BCAS3: variants seen among roughly 807,000 people sequenced by gnomAD.
The protein encoded by BCAS3 is BCAS3 microtubule associated cell migration factor.
BCAS3 carries 53 observed loss-of-function variants against 116.1 expected under a neutral mutation model. That is an observed-to-expected ratio of 0.46 (90% CI 0.37 to 0.57). The LOEUF is 0.57. Among genes scored for constraint, BCAS3 ranks in the 20% least tolerant of loss-of-function variants. The pLI, the probability that BCAS3 is intolerant of heterozygous loss-of-function variation, is 0.00. For missense variants in BCAS3, 917 were observed against 1,165.4 expected (o/e 0.79, Z 3.10); for synonymous variants, 391 against 408.2 (o/e 0.96, Z 0.51).
At chr17:60,933,912 T>A (rs1175602915) in intron 13 of BCAS3, among the ~76,000 whole-genome samples, 1 of 152,210 alleles carries the variant, frequency 6.6e-6, no homozygotes, top group Non-Finnish European at 1.5e-5. Flanking sequence ...TTCATCATCT[T>A]GTAAAGTGGT....
Position 61,239,725 on chromosome 17 carries a change from G to T in BCAS3, c.2426-128602G>T, listed in dbSNP as rs1024979957. 1.3e-5 allele frequency among the ~76,000 whole-genome samples: 2 copies of T among 152,200 alleles called. No individual in the cohort carries two copies. The highest frequency in any genetic ancestry group is 4.8e-5 in the African/African-American group (2 of 41,458). On this transcript the variant is annotated intron_variant, in intron 22 of 23. Coordinates refer to ENST00000407086, the MANE Select transcript of BCAS3 (RefSeq NM_017679.5). This position sits in a 1 kb window ranked among gnomAD's most constrained non-coding sequence, Gnocchi z 4.2. ...TCCTACTTAAAATTAAGAACTTAAAGATTTTAATCAAGATAATCCTAAAAT... is the reference window on the plus strand; with the variant it reads ...TCCTACTTAAAATTAAGAACTTAAATATTTTAATCAAGATAATCCTAAAAT...
chr17:60,791,996 G>A (rs1030322955), intron 6 of BCAS3, among the ~76,000 whole-genome samples: 5 of 152,178 alleles, frequency 3.3e-5, no homozygotes, highest in East Asian at 3.9e-4. Context: ...GGTGACAAGC[G>A]CCTGTTATCC....
chr17:60,852,490 G>C (rs1043733511), intron 7 of BCAS3, among the ~76,000 whole-genome samples: 2 of 152,136 alleles, frequency 1.3e-5, no homozygotes, highest in African/African-American at 4.8e-5. Flanking sequence ...AGGAAAATTT[G>C]CTTCCAAATT....
At chr17:61,159,746 A>C (rs955364988) in intron 22 of BCAS3, among the ~76,000 whole-genome samples, 9 of 152,178 alleles carry the variant, frequency 5.9e-5, no homozygotes, top group Non-Finnish European at 8.8e-5. Flanking sequence ...TGCCTAAAAG[A>C]TGTTCCTCTC....
chr17:60,777,962 A>G (rs184142841), intron 6 of BCAS3, among the ~76,000 whole-genome samples: 39 of 152,306 alleles, frequency 2.6e-4, no homozygotes, highest in Admixed American at 1.5e-3. Context: ...CAATTCCTAA[A>G]AATGAACATA....
chr17:61,335,140 C>G (rs886903970), intron 22 of BCAS3, among the ~76,000 whole-genome samples: 1 of 152,250 alleles, frequency 6.6e-6, no homozygotes, highest in African/African-American at 2.4e-5. Context: ...CAAGTTGACT[C>G]AGCAAACTTC....
intron 5 of BCAS3, among the ~76,000 whole-genome samples, chr17:60,725,251 G>C (rs1220435821): frequency 1.3e-5 from 2 of 151,832 alleles, no homozygotes; most frequent in Non-Finnish European, 2.9e-5. Context: ...TTTTTTCATT[G>C]GTTTAATTGT....
In BCAS3 at chr17:60,829,508, A is replaced by G. The variant is rs1015751246; in HGVS notation, c.476+21432A>G. 1.7e-4 allele frequency among the ~76,000 whole-genome samples: 25 copies of G among 150,662 alleles called. 1 individual carries two copies. The highest frequency in any genetic ancestry group is 1.0e-4 in the Non-Finnish European group (7 of 67,864). ...GACTGTGTCTCAAAAAAAAAAAAAAAGTAGAGAAGGTAGTTAGATAAAGTT... is the reference window on the plus strand; with the variant it reads ...GACTGTGTCTCAAAAAAAAAAAAAAGGTAGAGAAGGTAGTTAGATAAAGTT... On this transcript the variant is annotated intron_variant, in intron 7 of 23. Coordinates refer to ENST00000407086, the MANE Select transcript of BCAS3 (RefSeq NM_017679.5).
At chr17:60,745,842 T>C (rs1036210305) in intron 5 of BCAS3, among the ~76,000 whole-genome samples, 1 of 152,142 alleles carries the variant, frequency 6.6e-6, no homozygotes, top group Non-Finnish European at 1.5e-5. Context: ...ATGAATGTGA[T>C]AGTCATTTAG....
At chr17:60,997,523 G>A (rs73322782) in intron 15 of BCAS3, among the ~76,000 whole-genome samples, 10,632 of 152,142 alleles carry the variant, frequency 0.07, 1,115 homozygotes, top group African/African-American at 0.23. Context: ...GAGGAGAAAG[G>A]CAAAGGTAAG....
chr17:60,825,889 G>A (rs73318644), intron 7 of BCAS3, among the ~76,000 whole-genome samples: 16,778 of 141,060 alleles, frequency 0.12, 3,038 homozygotes, highest in African/African-American at 0.4. Context: ...ACGAAGTCTC[G>A]CACCGTCACC....
chr17:61,034,817 G>T lies in BCAS3; in HGVS notation c.1762+27G>T. The T allele has an allele frequency of 1.3e-6, 2 of 1,569,182 alleles. No homozygotes were observed. The highest frequency in any genetic ancestry group is 1.7e-6 in the Non-Finnish European group (2 of 1,160,564). ...TATGTATTTTTACTGAAAAATGAAT[G>T]CTCTATTTGTAATTTTTGCTTCTTA... On this transcript the variant is annotated intron_variant, in intron 17 of 23. Coordinates refer to ENST00000407086, the MANE Select transcript of BCAS3 (RefSeq NM_017679.5). The surrounding 1 kb of genome is among the most constrained non-coding windows in gnomAD (Gnocchi z 5.0).
At chr17:61,334,668 A>AC (rs2056567799) in intron 22 of BCAS3, among the ~76,000 whole-genome samples, 3 of 143,688 alleles carry the variant, frequency 2.1e-5, no homozygotes, top group South Asian at 4.2e-4. Flanking sequence ...CCATCTCAAA[A>AC]AAAAAAAAAA....
chr17:60,778,095 T>G lies in BCAS3; in HGVS notation c.404-29909T>G, dbSNP rs1347523246. Among the ~76,000 whole-genome samples the G allele has an allele frequency of 1.3e-5, 2 of 152,190 alleles. 1 individual carries two copies. Among genetic ancestry groups the G allele is most frequent in the East Asian group, 3.8e-4 (2 of 5,200 alleles). ...CTCTGGATACAAGTCATTTGTTGGA[T>G]ATATGATTTTCAAGTATTTTCATTT... On this transcript the variant is annotated intron_variant, in intron 6 of 23. Transcript: ENST00000407086.
chr17:61,089,065 C>A (rs1159209529), intron 22 of BCAS3, among the ~76,000 whole-genome samples: 1 of 152,162 alleles, frequency 6.6e-6, no homozygotes, highest in Admixed American at 6.5e-5. Flanking sequence ...GACAAAGTTG[C>A]AGACTTGGGG....
intron 5 of BCAS3, among the ~76,000 whole-genome samples, chr17:60,733,142 T>C (rs962115449): frequency 1.3e-5 from 2 of 152,238 alleles, no homozygotes; most frequent in Admixed American, 6.5e-5. Context: ...ATACAATTTA[T>C]ATATTGTTGC....
At chr17:60,749,649 T>C (rs2042282345) in intron 6 of BCAS3, among the ~76,000 whole-genome samples, 1 of 152,226 alleles carries the variant, frequency 6.6e-6, no homozygotes, top group Non-Finnish European at 1.5e-5. Context: ...TGGCTTACTA[T>C]TACTTCTATT....
At chr17:60,831,612 C>T (rs1445081750) in intron 7 of BCAS3, among the ~76,000 whole-genome samples, 1 of 152,054 alleles carries the variant, frequency 6.6e-6, no homozygotes, top group African/African-American at 2.4e-5. Context: ...AAGGTTAAAA[C>T]AGTTATTGTG....
intron 22 of BCAS3, among the ~76,000 whole-genome samples, chr17:61,114,616 C>T (rs1001839363): frequency 2.2e-4 from 33 of 152,020 alleles, no homozygotes; most frequent in Non-Finnish European, 7.4e-5. Flanking sequence ...AAGAACATTC[C>T]ATGCTCATGG....
Sources: gnomAD v4.1 joint callset for allele counts (sites outside exome capture counted in the v4.1 genomes callset) on GRCh38, gnomAD v4.1.1 for gene constraint, Gnocchi (gnomAD v3.1) non-coding constraint, MANE v1.5 for transcripts, NCBI Gene and HGNC (gene_info 2026-07-23, HGNC 2026-07-21) for gene names.